SLC4A4: variants seen among roughly 807,000 people sequenced by gnomAD.
SLC4A4 encodes electrogenic sodium bicarbonate cotransporter 1.
A neutral mutation model predicts 111.5 loss-of-function variants in SLC4A4; 27 were observed. The ratio of observed to expected loss-of-function variants is 0.24; its 90% CI spans 0.18 to 0.33. The LOEUF is 0.33. Ranked by LOEUF, SLC4A4 falls within the 10% of genes least tolerant of loss-of-function variation. SLC4A4 has a pLI of 1.00. For missense variants in SLC4A4, 909 were observed against 1,315.5 expected, an observed-to-expected ratio of 0.69 and a Z score of 4.78; for synonymous variants, 443 against 463.4, an observed-to-expected ratio of 0.96 and a Z score of 0.57.
intron 7 of SLC4A4, among the ~76,000 whole-genome samples, chr4:71,436,537 C>A (rs901720898): frequency 6.6e-6 from 1 of 152,080 alleles, no homozygotes; most frequent in Non-Finnish European, 1.5e-5. Flanking sequence ...TGCACATGTA[C>A]CCCAGAACTT....
At chr4:71,168,772 T>C (rs1268684314) in intron 2 of SLC4A4, among the ~76,000 whole-genome samples, 1 of 152,174 alleles carries the variant, frequency 6.6e-6, no homozygotes, top group Non-Finnish European at 1.5e-5. Flanking sequence ...TCCATATTGC[T>C]GCAAATGACA....
At chr4:71,450,192 T>C (rs1725627571) in intron 9 of SLC4A4, among the ~76,000 whole-genome samples, 197 bp from the exon 10 acceptor site, 1 of 152,222 alleles carries the variant, frequency 6.6e-6, no homozygotes, top group Non-Finnish European at 1.5e-5. Flanking sequence ...TCTTCAGGCC[T>C]CTGCCTCTAT....
chr4:71,331,281 C>T (rs181319264), intron 3 of SLC4A4, among the ~76,000 whole-genome samples: 3 of 152,216 alleles, frequency 2.0e-5, no homozygotes, highest in East Asian at 1.9e-4. Flanking sequence ...CACATGCACA[C>T]GTATGTTTAT....
chr4:71,323,140 G>A (rs191970919), intron 3 of SLC4A4, among the ~76,000 whole-genome samples: 135 of 152,034 alleles, frequency 8.9e-4, no homozygotes, highest in Non-Finnish European at 1.6e-3. Context: ...TCTCAATTTA[G>A]CAACTAAAAA....
At chr4:71,275,975 A>G (rs1048440842) in intron 3 of SLC4A4, among the ~76,000 whole-genome samples, 1 of 152,352 alleles carries the variant, frequency 6.6e-6, no homozygotes, top group Non-Finnish European at 1.5e-5. Context: ...ACGAATGAAC[A>G]TGAGAATAAC....
chr4:71,508,207 G>C (rs1299954194), intron 16 of SLC4A4, among the ~76,000 whole-genome samples: 3 of 152,106 alleles, frequency 2.0e-5, no homozygotes, highest in Non-Finnish European at 4.4e-5. Context: ...AAACCCGAAA[G>C]CTAGCAGAAG....
At chr4:71,434,120 G>A (rs1210002846) in intron 7 of SLC4A4, among the ~76,000 whole-genome samples, 1 of 151,924 alleles carries the variant, frequency 6.6e-6, no homozygotes, top group Non-Finnish European at 1.5e-5. Flanking sequence ...GAACCCTAGG[G>A]AAAAAGTGAA....
chr4:71,183,997 T>C (rs562595790), upstream of SLC4A4, among the ~76,000 whole-genome samples: 1 of 152,272 alleles, frequency 6.6e-6, no homozygotes, highest in East Asian at 1.9e-4. Flanking sequence ...TTTTTCCCAA[T>C]AGTGAAAAAA....
chr4:71,113,339 G>A (rs77432808), intron 2 of SLC4A4, among the ~76,000 whole-genome samples: 1,954 of 152,250 alleles, frequency 0.013, 46 homozygotes, highest in African/African-American at 0.044. Flanking sequence ...AATCCTCTGG[G>A]AAACTGACAC....
At chr4:71,183,584 A>G (rs1017165856), upstream of SLC4A4, among the ~76,000 whole-genome samples, 1 of 152,208 alleles carries the variant, frequency 6.6e-6, no homozygotes, top group Admixed American at 6.5e-5. Context: ...CTATCGATCT[A>G]TATCTATCTA....
At chr4:71,212,904 G>T (rs1251602111) in intron 1 of SLC4A4, among the ~76,000 whole-genome samples, 1 of 152,194 alleles carries the variant, frequency 6.6e-6, no homozygotes, top group Non-Finnish European at 1.5e-5. Context: ...CCACATATAT[G>T]ACAGCAGTCC....
At chr4:71,450,049 A>G (rs1368397268) in intron 9 of SLC4A4, among the ~76,000 whole-genome samples, 1 of 152,220 alleles carries the variant, frequency 6.6e-6, no homozygotes, top group Non-Finnish European at 1.5e-5. Context: ...ACTCTTCAGT[A>G]TATTTCTCCA....
rs182302513 is a variant in SLC4A4, at chr4:71,489,671, G to A, written c.1974+2653G>A. 1.2e-4 allele frequency among the ~76,000 whole-genome samples: 18 copies of A among 151,840 alleles called. No homozygotes were observed. In the East Asian group the frequency reaches 2.3e-3, roughly 20 times the overall value. ...CTTCTGAGAGGCTATTGCGTCCTCC[G>A]TCTGCTTGGTTATGCTAGCCGGCTC... On this transcript the variant is annotated intron_variant, in intron 15 of 25. Coordinates refer to ENST00000264485, the MANE Select transcript of SLC4A4 (RefSeq NM_001098484.3).
At chr4:71,208,304 A>C (rs1269641922) in intron 1 of SLC4A4, among the ~76,000 whole-genome samples, 1 of 151,776 alleles carries the variant, frequency 6.6e-6, no homozygotes, top group Middle Eastern at 3.4e-3. Context: ...GGTGGCGGGC[A>C]CCTGTAGTCC....
chr4:71,090,096 C>T (rs28547978), intron 1 of SLC4A4, among the ~76,000 whole-genome samples: 4,991 of 152,114 alleles, frequency 0.033, 135 homozygotes, highest in African/African-American at 0.055. Flanking sequence ...TTAGCAATGG[C>T]GGGCGCCACT....
At chr4:71,322,898 A>G (rs1727229800) in intron 3 of SLC4A4, among the ~76,000 whole-genome samples, 1 of 151,654 alleles carries the variant, frequency 6.6e-6, no homozygotes, top group Non-Finnish European at 1.5e-5. Context: ...CCTCATCCCC[A>G]TTGTTCTATG....
intron 8 of SLC4A4, among the ~76,000 whole-genome samples, chr4:71,447,128 T>G (rs1725310390): frequency 6.6e-6 from 1 of 152,222 alleles, no homozygotes; most frequent in African/African-American, 2.4e-5. Context: ...ACCATGTGGC[T>G]TACTTGTAGA....
intron 3 of SLC4A4, among the ~76,000 whole-genome samples, chr4:71,326,220 T>C (rs1745477194): frequency 2.0e-5 from 3 of 152,002 alleles, no homozygotes; most frequent in Non-Finnish European, 1.5e-5. Flanking sequence ...TCTATCAGAC[T>C]TACTTAGGGG....
At chr4:71,317,613 C>G (rs1560405350) in intron 3 of SLC4A4, among the ~76,000 whole-genome samples, 1 of 152,008 alleles carries the variant, frequency 6.6e-6, no homozygotes, top group Non-Finnish European at 1.5e-5. Context: ...GCCTCATTTT[C>G]AAAGAGTTCA....
Sources: gnomAD v4.1 joint callset for allele counts (sites outside exome capture counted in the v4.1 genomes callset) on GRCh38, gnomAD v4.1.1 for gene constraint, MANE v1.5 for transcripts, NCBI Gene and HGNC (gene_info 2026-07-23, HGNC 2026-07-21) for gene names.